Variants in SETDB1 observed in about 807,000 individuals in gnomAD.
The protein encoded by SETDB1 is histone-lysine N-methyltransferase SETDB1.
Under a neutral mutation model 137.4 loss-of-function variants are expected in SETDB1, and 31 were observed. The ratio of observed to expected loss-of-function variants is 0.23; its 90% CI spans 0.17 to 0.30. SETDB1 has a LOEUF of 0.30. SETDB1 is among the 10% of genes least tolerant of loss of function. The pLI, the probability that SETDB1 is intolerant of heterozygous loss-of-function variation, is 1.00. For synonymous variants in SETDB1, 548 were observed against 579.9 expected (o/e 0.95, Z 0.79); for missense variants, 1,113 against 1,631.5 (o/e 0.68, Z 5.47).
At chr1:150,958,254 CTTTTTTT>C (rs374122454) in intron 14 of SETDB1, among the ~76,000 whole-genome samples, 61 of 94,088 alleles carry the variant, frequency 6.5e-4, no homozygotes, top group Middle Eastern at 7.1e-3. Flanking sequence ...TTTCTTTTTT[CTTTTTTT>C]TTTTTTTTGT....
At chr1:150,936,980 C>T (rs1281910177) in intron 3 of SETDB1, among the ~76,000 whole-genome samples, 1 of 152,054 alleles carries the variant, frequency 6.6e-6, no homozygotes, top group African/African-American at 2.4e-5. Flanking sequence ...CAAAAATTAG[C>T]TGGGTATGGT....
intron 8 of SETDB1, 130 bp from the exon 9 acceptor site, chr1:150,944,788 C>T: frequency 2.0e-6 from 2 of 975,766 alleles, no homozygotes; most frequent in African/African-American, 1.6e-5. Context: ...GCTTTGCTTC[C>T]CTTGAGGTTC....
chr1:150,964,572 T>A lies in SETDB1; in HGVS notation c.*208T>A. 1 of 697,512 alleles carries A rather than the reference T, an allele frequency of 1.4e-6. No individual in the cohort carries two copies. Among genetic ancestry groups the A allele is most frequent in the South Asian group, 1.5e-5 (1 of 67,094 alleles). 43.2% of individuals were successfully genotyped at this position (697,512 alleles called of 1,614,324 possible). ...CTCCACCTCCAAAGGCCCTAAAGGGTGGGGAGAGATCACCACTCTAACCTC... is the reference window on the plus strand; with the variant it reads ...CTCCACCTCCAAAGGCCCTAAAGGGAGGGGAGAGATCACCACTCTAACCTC... On this transcript the variant is annotated 3_prime_UTR_variant, in exon 22 of 22. Coordinates refer to ENST00000692827, the MANE Select transcript of SETDB1 (RefSeq NM_001366418.1).
intron 3 of SETDB1, among the ~76,000 whole-genome samples, chr1:150,931,219 C>T (rs147240546): frequency 0.014 from 1,981 of 142,708 alleles, 18 homozygotes; most frequent in Middle Eastern, 0.026. Flanking sequence ...GTGATTGTGC[C>T]ACTGCACTCC....
In SETDB1 at chr1:150,963,974, AT is replaced by A. The variant is rs757434763; in HGVS notation, c.3673-20del. The stretch of plus-strand genomic sequence containing the variant: ...GTTCAGTTTCCCTGGTTCTTATTTG[AT>A]CCTGTCCTTAAACCTACAGCACAGT... On this transcript the variant is annotated intron_variant, in intron 20 of 21. Coordinates refer to ENST00000692827, the MANE Select transcript of SETDB1 (RefSeq NM_001366418.1). 108 of 1,608,936 alleles carry A rather than the reference AT, an allele frequency of 6.7e-5. No homozygotes were observed. Among genetic ancestry groups the A allele is most frequent in the Non-Finnish European group, 8.6e-5 (101 of 1,175,474 alleles).
At chr1:150,955,093 A>G (rs1455982744) in intron 14 of SETDB1, among the ~76,000 whole-genome samples, 1 of 152,252 alleles carries the variant, frequency 6.6e-6, no homozygotes, top group Non-Finnish European at 1.5e-5. Flanking sequence ...ATGAATTTGT[A>G]CTGATAACAT....
At chr1:150,949,907 C>T (rs587768054) in intron 12 of SETDB1, among the ~76,000 whole-genome samples, 1 of 152,248 alleles carries the variant, frequency 6.6e-6, no homozygotes, top group South Asian at 2.1e-4. Flanking sequence ...AATTCACAGG[C>T]AAATACATTT....
chr1:150,964,392 G>C lies in SETDB1; in HGVS notation c.*28G>C. On this transcript the variant is annotated 3_prime_UTR_variant, in exon 22 of 22. Transcript: ENST00000692827. ...GACAGCCTTCTTCCCAACCCTTCTT[G>C]AACTGTCGTTTCCTCAGGAACTGGG... 14 of 1,533,744 alleles carry C rather than the reference G, an allele frequency of 9.1e-6. No individual in the cohort carries two copies. Among genetic ancestry groups the C allele is most frequent in the Non-Finnish European group, 1.3e-5 (14 of 1,108,862 alleles).
In SETDB1 at chr1:150,951,101, G is replaced by A. The variant is rs779946024; in HGVS notation, c.2216+11G>A. The A allele has an allele frequency of 2.5e-6, 4 of 1,596,598 alleles. No individual in the cohort carries two copies. Among genetic ancestry groups the A allele is most frequent in the Non-Finnish European group, 3.4e-6 (4 of 1,169,264 alleles). ...TGGGTGTCGGGACAAGTGAGTTGGT[G>A]GGGGGAATTGCTGCCCCTGCTTCCA... On this transcript the variant is annotated intron_variant, in intron 13 of 21. Coordinates refer to ENST00000692827, the MANE Select transcript of SETDB1 (RefSeq NM_001366418.1).
At chr1:150,931,281 A>AG (rs587766808) in intron 3 of SETDB1, among the ~76,000 whole-genome samples, 1 of 142,956 alleles carries the variant, frequency 7.0e-6, no homozygotes, top group Non-Finnish European at 1.5e-5. Context: ...AAAAAAAAAA[A>AG]GGGTTTCCAG....
Position 150,951,526 on chromosome 1 carries a change from G to A in SETDB1, c.2333+45G>A, listed in dbSNP as rs1481590981. 4 of 996,348 alleles carry A rather than the reference G, an allele frequency of 4.0e-6. No individual in the cohort carries two copies. The Middle Eastern group carries it at 6.2e-4, about 155-fold the overall frequency. The allele number at this position is 996,348 out of a possible 1,614,324, so 61.7% of individuals were successfully genotyped here. A position where few individuals can be genotyped will look rare whatever the true frequency, so the allele number is the denominator to read the frequency against. On this transcript the variant is annotated intron_variant, in intron 14 of 21. Coordinates refer to ENST00000692827, the MANE Select transcript of SETDB1 (RefSeq NM_001366418.1). The stretch of plus-strand genomic sequence containing the variant: ...CACAGTACCTCAGAGAGACTGAGGA[G>A]CATGTTCTTGTTTTTCTGTGCTTAT...
chr1:150,939,597 T>C (rs1338731413), intron 3 of SETDB1, among the ~76,000 whole-genome samples: 1 of 152,076 alleles, frequency 6.6e-6, no homozygotes, highest in African/African-American at 2.4e-5. Context: ...AGTGCTGGGA[T>C]TACAGGCATG....
In SETDB1 at chr1:150,947,007, A is replaced by C. The variant is rs1184480424; in HGVS notation, c.1262A>C (p.Asn421Thr). The change falls in exon 10 of 22, where the codon AAT becomes ACT. Residue 421 changes from asparagine (N) to threonine (T), a missense_variant. Coordinates refer to ENST00000692827, the MANE Select transcript of SETDB1 (RefSeq NM_001366418.1). ...KKQGQLRTRP[N>T]MGAVRSKGPV... is the part of the protein sequence containing the mutation. ...CAAGGACAGCTCAGGACACGTCCAA[A>C]TATGGGTATGTCCTGAAAGATTCCT... is the stretch of plus-strand genomic sequence containing the variant. The C allele has an allele frequency of 6.2e-7, 1 of 1,614,054 alleles. No individual in the cohort carries two copies. Among genetic ancestry groups the C allele is most frequent in the East Asian group, 2.2e-5 (1 of 44,878 alleles).
chr1:150,943,145 G>A (rs1240817132), intron 7 of SETDB1, 92 bp downstream of exon 7: 3 of 849,828 alleles, frequency 3.5e-6, no homozygotes, highest in Non-Finnish European at 5.8e-6. Flanking sequence ...ATTAGCTTTT[G>A]TCTTCTTAGT....
At chr1:150,942,298 G>T (rs902877048) in intron 5 of SETDB1, among the ~76,000 whole-genome samples, 1 of 151,388 alleles carries the variant, frequency 6.6e-6, no homozygotes, top group Non-Finnish European at 1.5e-5. Context: ...AATTAGCTGG[G>T]TGTAGTGGTG....
At chr1:150,957,318 C>T (rs1670672957) in intron 14 of SETDB1, among the ~76,000 whole-genome samples, 1 of 152,024 alleles carries the variant, frequency 6.6e-6, no homozygotes. Flanking sequence ...GGCGACAAAG[C>T]GAGACTGTGT....
intron 14 of SETDB1, among the ~76,000 whole-genome samples, chr1:150,958,254 C>CTTTT (rs374122454): frequency 2.1e-5 from 2 of 94,086 alleles, no homozygotes; most frequent in Non-Finnish European, 2.0e-5. Flanking sequence ...TTTCTTTTTT[C>CTTTT]TTTTTTTTTT....
At chr1:150,962,460 A>G in intron 17 of SETDB1, 127 bp from the exon 18 acceptor site, 3 of 887,660 alleles carry the variant, frequency 3.4e-6, no homozygotes, top group Non-Finnish European at 5.5e-6. Flanking sequence ...TACAGCCATG[A>G]GCTACCGTGT....
intron 3 of SETDB1, among the ~76,000 whole-genome samples, chr1:150,934,682 G>A (rs183940913): frequency 6.6e-6 from 1 of 152,152 alleles, no homozygotes; most frequent in Non-Finnish European, 1.5e-5. Context: ...TATCACTTCT[G>A]TTGCTCTTCA....
Sources: allele counts gnomAD v4.1 joint callset (sites outside exome capture counted in the v4.1 genomes callset), GRCh38; gene constraint gnomAD v4.1.1; transcripts MANE v1.5; gene names NCBI Gene and HGNC (gene_info 2026-07-23, HGNC 2026-07-21).